Variants in PRKG1 observed in about 807,000 individuals in gnomAD.
The protein encoded by PRKG1 is protein kinase cGMP-dependent 1.
In PRKG1, 35 loss-of-function variants were observed where a neutral mutation model predicts 88.1. The observed-to-expected ratio is 0.40, with a 90% CI of 0.30 to 0.53. The LOEUF (loss-of-function observed/expected upper bound fraction) is 0.53, where lower values mean the gene tolerates loss of function less well. PRKG1 is among the 20% of genes least tolerant of loss of function. PRKG1 has a pLI of 0.59. For missense variants in PRKG1, 540 were observed against 839.8 expected (o/e 0.64, Z 4.41); for synonymous variants, 303 against 292.5 (o/e 1.04, Z -0.37).
chr10:51,319,595 C>T (rs112292737), intron 2 of PRKG1, among the ~76,000 whole-genome samples: 5,303 of 152,284 alleles, frequency 0.035, 130 homozygotes, highest in South Asian at 0.076. Context: ...GATGAGGATA[C>T]AGTTCAAGTT....
At chr10:51,441,013 C>T (rs1839089769) in intron 2 of PRKG1, among the ~76,000 whole-genome samples, 1 of 151,898 alleles carries the variant, frequency 6.6e-6, no homozygotes, top group African/African-American at 2.4e-5. Flanking sequence ...AAGAGATAAA[C>T]ATGGGACAAA....
chr10:51,133,884 T>C (rs1845630311), intron 1 of PRKG1, among the ~76,000 whole-genome samples: 1 of 152,186 alleles, frequency 6.6e-6, no homozygotes, highest in African/African-American at 2.4e-5. Flanking sequence ...GCCAGTACAT[T>C]GTTAAAGCCT....
chr10:51,825,837 A>C (rs1839868657), intron 4 of PRKG1, among the ~76,000 whole-genome samples: 1 of 152,180 alleles, frequency 6.6e-6, no homozygotes, highest in Admixed American at 6.6e-5. Context: ...AGGGTCAGTC[A>C]TCAAGGCTCA....
chr10:51,965,741 A>G (rs574139761), intron 5 of PRKG1, among the ~76,000 whole-genome samples: 1 of 152,304 alleles, frequency 6.6e-6, no homozygotes, highest in South Asian at 2.1e-4. Context: ...TATGAAAAAA[A>G]TTACAATTGA....
intron 8 of PRKG1, among the ~76,000 whole-genome samples, chr10:52,146,249 G>C (rs1351072607): frequency 6.6e-6 from 1 of 152,068 alleles, no homozygotes; most frequent in East Asian, 1.9e-4. Context: ...AGAAAGATTG[G>C]AAAGCATAGA....
At chr10:51,708,952 C>A (rs1009891109) in intron 3 of PRKG1, among the ~76,000 whole-genome samples, 3 of 152,062 alleles carry the variant, frequency 2.0e-5, no homozygotes, top group African/African-American at 7.2e-5. Flanking sequence ...CCATGAATTC[C>A]AAAAATACTT....
intron 3 of PRKG1, among the ~76,000 whole-genome samples, chr10:51,782,048 T>A (rs1045636463): frequency 7.9e-5 from 12 of 152,010 alleles, no homozygotes; most frequent in Non-Finnish European, 1.5e-4. Context: ...TTGTAAAAAA[T>A]GCAATAGCAA....
Position 52,077,073 on chromosome 10 carries a change from A to G in PRKG1, c.935+14442A>G, listed in dbSNP as rs546275582. On this transcript the variant is annotated intron_variant, in intron 7 of 17. Transcript: ENST00000373980. ...CCATTCGTAGGTATTTACATGAAAC[A>G]TGAAAGCTTACATGCATACAAAGAC... Among the ~76,000 whole-genome samples, 9 of 152,246 alleles carry G rather than the reference A, an allele frequency of 5.9e-5. No individual in the cohort carries two copies. The South Asian group carries it at 1.7e-3, about 28-fold the overall frequency.
chr10:51,033,843 A>C (rs1480643013), intron 1 of PRKG1, among the ~76,000 whole-genome samples: 1 of 131,940 alleles, frequency 7.6e-6, no homozygotes, highest in East Asian at 2.5e-4. Context: ...ATTCCATTGC[A>C]TTATATCCTG....
chr10:51,603,177 C>T (rs148376181), intron 3 of PRKG1, among the ~76,000 whole-genome samples: 10 of 152,130 alleles, frequency 6.6e-5, no homozygotes, highest in Middle Eastern at 3.4e-3. Flanking sequence ...AGGCTGGTCT[C>T]GACCTCCTGA....
rs1845201861 is a variant in PRKG1 at position 52,022,123 on chromosome 10, G to A, written c.763-32361G>A. 2.0e-5 allele frequency among the ~76,000 whole-genome samples: 3 copies of A among 152,160 alleles called. No individual in the cohort carries two copies. In the South Asian group the frequency reaches 6.2e-4, roughly 32 times the overall value. The stretch of plus-strand genomic sequence containing the variant: ...CAGTGCAGCTCCAAGTCAGCCATTA[G>A]GGTAAATGACTGATACTCTACAGTG... On this transcript the variant is annotated intron_variant, in intron 5 of 17. Coordinates refer to ENST00000373980, the MANE Select transcript of PRKG1 (RefSeq NM_006258.4).
At chr10:52,016,431 C>T (rs1211791344) in intron 5 of PRKG1, among the ~76,000 whole-genome samples, 1 of 152,174 alleles carries the variant, frequency 6.6e-6, no homozygotes, top group Non-Finnish European at 1.5e-5. Flanking sequence ...ATCCAGTCAC[C>T]TCCCACCAGA....
chr10:51,395,510 A>C (rs1179591605), intron 2 of PRKG1, among the ~76,000 whole-genome samples: 1 of 96,718 alleles, frequency 1.0e-5, no homozygotes, highest in African/African-American at 3.7e-5. Flanking sequence ...TTATGCAAAG[A>C]GAGCTGTCTC....
intron 3 of PRKG1, among the ~76,000 whole-genome samples, chr10:51,636,274 T>C (rs1839653836): frequency 6.6e-6 from 1 of 152,230 alleles, no homozygotes; most frequent in Non-Finnish European, 1.5e-5. Context: ...TTGGAAATCT[T>C]GGCTTTGCCT....
Position 51,425,929 on chromosome 10 carries a change from A to G in PRKG1, c.479-41794A>G, listed in dbSNP as rs1358446930. ...CAATTTTCTTTAACCTTCAAGATAA[A>G]TCTGCATTTAAAATATAATGGAGAA... is the stretch of plus-strand genomic sequence containing the variant. On this transcript the variant is annotated intron_variant, in intron 2 of 17. Transcript: ENST00000373980. Among the ~76,000 whole-genome samples the G allele has an allele frequency of 2.0e-5, 3 of 152,196 alleles. No individual in the cohort carries two copies. In the East Asian group the frequency reaches 5.8e-4, roughly 29 times the overall value.
chr10:51,663,233 G>A (rs1373687405), intron 3 of PRKG1, among the ~76,000 whole-genome samples: 2 of 152,032 alleles, frequency 1.3e-5, no homozygotes, highest in Non-Finnish European at 2.9e-5. Context: ...TGTAGAAAGA[G>A]TCAAAAACAA....
At chr10:52,161,576 A>G (rs1838277118) in intron 8 of PRKG1, among the ~76,000 whole-genome samples, 1 of 152,048 alleles carries the variant, frequency 6.6e-6, no homozygotes, top group African/African-American at 2.4e-5. Context: ...TTTGTGGTGT[A>G]TATCATTTAG....
At chr10:52,010,532 G>A (rs1844854448) in intron 5 of PRKG1, among the ~76,000 whole-genome samples, 1 of 152,072 alleles carries the variant, frequency 6.6e-6, no homozygotes, top group Non-Finnish European at 1.5e-5. Context: ...CTGGGTGATA[G>A]GATCTTTCAT....
intron 3 of PRKG1, among the ~76,000 whole-genome samples, chr10:51,517,473 G>T (rs780084075): frequency 3.9e-5 from 6 of 152,154 alleles, no homozygotes; most frequent in African/African-American, 9.7e-5. Context: ...TGGGGATTGC[G>T]GGACAGCAGG....
Sources: allele counts gnomAD v4.1 joint callset (sites outside exome capture counted in the v4.1 genomes callset), GRCh38; gene constraint gnomAD v4.1.1; transcripts MANE v1.5; gene names NCBI Gene and HGNC (gene_info 2026-07-23, HGNC 2026-07-21).